The following LARGE1 variants were observed in gnomAD, a reference collection of about 807,000 sequenced individuals.
LARGE1 encodes LARGE xylosyl- and glucuronyltransferase 1, also known as xylosyl- and glucuronyltransferase LARGE1.
In LARGE1, 43 loss-of-function variants were observed where a neutral mutation model predicts 87.6. That is an observed-to-expected ratio of 0.49 (90% confidence interval 0.38 to 0.63). The LOEUF (loss-of-function observed/expected upper bound fraction) is 0.63. Among genes scored for constraint, LARGE1 ranks in the 30% least tolerant of loss-of-function variants. LARGE1 has a pLI of 0.00. For synonymous variants in LARGE1, 434 were observed against 394.6 expected, an observed-to-expected ratio of 1.10 and a Z score of -1.18; for missense variants, 802 against 1,000.2, an observed-to-expected ratio of 0.80 and a Z score of 2.67.
intron 1 of LARGE1, among the ~76,000 whole-genome samples, chr22:33,781,528 A>C (rs1252194299): frequency 6.6e-6 from 1 of 152,194 alleles, no homozygotes; most frequent in East Asian, 1.9e-4. Flanking sequence ...GACGTGTTCC[A>C]GAAACTAGTG....
intron 3 of LARGE1, among the ~76,000 whole-genome samples, chr22:33,648,986 C>T (rs1222900071): frequency 6.6e-6 from 1 of 152,244 alleles, no homozygotes; most frequent in African/African-American, 2.4e-5. Context: ...AGTAGAACCA[C>T]CTCCTCGCCC....
At chr22:33,092,374 C>T in the LARGE1 span, among the ~76,000 whole-genome samples, 7 of 152,098 alleles carry the variant, frequency 4.6e-5, no homozygotes, top group South Asian at 4.2e-4. Context: ...TGGGGAGGAG[C>T]GGTTCAAGTG....
At chr22:33,618,383 T>C (rs748956532) in intron 4 of LARGE1, among the ~76,000 whole-genome samples, 1 of 152,252 alleles carries the variant, frequency 6.6e-6, no homozygotes, top group Non-Finnish European at 1.5e-5. Flanking sequence ...TCTGTGACCT[T>C]GAACAAACTA....
downstream of LARGE1, among the ~76,000 whole-genome samples, chr22:33,160,337 C>T (rs1361419515): frequency 6.6e-6 from 1 of 152,194 alleles, no homozygotes; most frequent in Non-Finnish European, 1.5e-5. Context: ...CATTCAGAAG[C>T]TGACCCTTCC....
At chr22:33,203,145 A>AAG (rs202068561) in intron 11 of LARGE1, among the ~76,000 whole-genome samples, 1 of 128,436 alleles carries the variant, frequency 7.8e-6, no homozygotes, top group Admixed American at 7.4e-5. Context: ...ATGAGAGAGA[A>AAG]AGAGAGAGAC....
intron 11 of LARGE1, among the ~76,000 whole-genome samples, chr22:33,243,284 G>A (rs1926605526): frequency 6.6e-6 from 1 of 152,204 alleles, no homozygotes; most frequent in Admixed American, 6.5e-5. Flanking sequence ...TAAGTGTACA[G>A]TTTGATGCGT....
intron 10 of LARGE1, among the ~76,000 whole-genome samples, chr22:33,325,446 A>C (rs1394476090): frequency 6.6e-6 from 1 of 151,948 alleles, no homozygotes; most frequent in East Asian, 1.9e-4. Context: ...GAGCAAGAGA[A>C]TCCTGTAGAG....
rs775368005 is a variant in LARGE1, at chr22:33,274,630, A to G, written c.2074-6T>C. On this transcript the variant is annotated splice_region_variant and splice_polypyrimidine_tract_variant and intron_variant, in intron 14 of 14. Coordinates refer to ENST00000397394, the MANE Select transcript of LARGE1 (RefSeq NM_133642.5). ...AGCACAATGAACTCATACTCCTGGA[A>G]GAAGACAAGAGCAGCGTGAGAACCC... is the stretch of plus-strand genomic sequence containing the variant. 2 of 1,613,972 alleles carry G rather than the reference A, an allele frequency of 1.2e-6. No individual in the cohort carries two copies. The highest frequency in any genetic ancestry group is 3.3e-5 in the Admixed American group (2 of 60,024).
At chr22:33,108,248 T>TTA in the LARGE1 span, among the ~76,000 whole-genome samples, 1 of 152,134 alleles carries the variant, frequency 6.6e-6, no homozygotes, top group Non-Finnish European at 1.5e-5. Context: ...TTCACTGAGT[T>TTA]TATATTATAT....
rs1302198844 is a variant in LARGE1 at position 33,541,054 on chromosome 22, C to CGGCG, written c.787+23793_787+23794insCGCC. The stretch of plus-strand genomic sequence containing the variant: ...TCATGGTGGCTGGGGTGGTGGGTTG[C>CGGCG]GGGGGGGGGGGGGCGGGGGGCGGGT... On this transcript the variant is annotated intron_variant, in intron 6 of 14. Transcript: ENST00000397394. Among the ~76,000 whole-genome samples the CGGCG allele has an allele frequency of 9.5e-4, 13 of 13,720 alleles. 4 individuals carry two copies. Among genetic ancestry groups the CGGCG allele is most frequent in the Non-Finnish European group, 1.9e-3 (11 of 5,858 alleles). 9.0% of individuals were successfully genotyped at this position (13,720 alleles called of 152,430 possible). A position where few individuals can be genotyped will look rare whatever the true frequency, so the allele number is the denominator to read the frequency against.
chr22:33,258,914 G>A (rs1468552364), intron 11 of LARGE1, among the ~76,000 whole-genome samples: 1 of 145,682 alleles, frequency 6.9e-6, no homozygotes, highest in East Asian at 2.0e-4. Context: ...GTCTTGCTCT[G>A]TCATCCAGGC....
the LARGE1 span, among the ~76,000 whole-genome samples, chr22:33,095,231 A>G: frequency 6.6e-6 from 1 of 152,184 alleles, no homozygotes; most frequent in Non-Finnish European, 1.5e-5. Flanking sequence ...GCTAAAATCA[A>G]AGTGTCAGCA....
At chr22:33,236,855 G>C (rs577226630) in intron 11 of LARGE1, among the ~76,000 whole-genome samples, 2 of 152,286 alleles carry the variant, frequency 1.3e-5, no homozygotes, top group South Asian at 4.1e-4. Context: ...TCATGGGAAA[G>C]AGAGACTTAA....
In LARGE1 at chr22:33,516,673, TC is replaced by T. The variant is rs558525434; in HGVS notation, c.787+48174del. On this transcript the variant is annotated intron_variant, in intron 6 of 14. Transcript: ENST00000397394. ...GTGCCATCTCCGCTCACTGCAAACTTCCGCCTTCCGGGTTCAAGCGATTCTC... is the reference window on the plus strand; with the variant it reads ...GTGCCATCTCCGCTCACTGCAAACTTCGCCTTCCGGGTTCAAGCGATTCTC... Among the ~76,000 whole-genome samples the T allele has an allele frequency of 2.9e-4, 37 of 129,044 alleles. 2 individuals are homozygous for T. The South Asian group carries it at 3.1e-3, about 11-fold the overall frequency. The allele number at this position is 129,044 out of a possible 152,430, so 84.7% of individuals were successfully genotyped here. A position where few individuals can be genotyped will look rare whatever the true frequency, so the allele number is the denominator to read the frequency against.
chr22:33,620,996 T>A (rs1220174663), intron 4 of LARGE1, among the ~76,000 whole-genome samples: 2 of 152,188 alleles, frequency 1.3e-5, no homozygotes, highest in Non-Finnish European at 2.9e-5. Context: ...TTCTTATGTA[T>A]TTTCTGCTAG....
chr22:33,558,233 A>T (rs1448441058), intron 6 of LARGE1, among the ~76,000 whole-genome samples: 1 of 152,152 alleles, frequency 6.6e-6, no homozygotes, highest in African/African-American at 2.4e-5. Context: ...TGACTGGCAT[A>T]AGGTCATGGG....
At chr22:33,315,897 G>A (rs1936100123) in intron 11 of LARGE1, among the ~76,000 whole-genome samples, 188 bp downstream of exon 11, 1 of 152,142 alleles carries the variant, frequency 6.6e-6, no homozygotes, top group African/African-American at 2.4e-5. Flanking sequence ...CAAAGTGCTA[G>A]GATTACAGGT....
At chr22:33,573,017 A>T (rs2078252027) in intron 5 of LARGE1, among the ~76,000 whole-genome samples, 1 of 152,198 alleles carries the variant, frequency 6.6e-6, no homozygotes, top group African/African-American at 2.4e-5. Flanking sequence ...CTCAGTTTTC[A>T]TCAGTAAATT....
chr22:33,188,439 C>T (rs5998793), intron 11 of LARGE1, among the ~76,000 whole-genome samples: 3 of 152,204 alleles, frequency 2.0e-5, no homozygotes, highest in African/African-American at 4.8e-5. Context: ...GAGCTCACAC[C>T]GGGCCTGCTG....
Sources: gnomAD v4.1 joint callset for allele counts (sites outside exome capture counted in the v4.1 genomes callset) on GRCh38, gnomAD v4.1.1 for gene constraint, MANE v1.5 for transcripts, NCBI Gene and HGNC (gene_info 2026-07-23, HGNC 2026-07-21) for gene names.